ARHGAP25: variants seen among roughly 807,000 people sequenced by gnomAD.
The protein encoded by ARHGAP25 is rho GTPase-activating protein 25.
ARHGAP25 carries 34 observed loss-of-function variants against 71.0 expected under a neutral mutation model. That is an observed-to-expected ratio of 0.48 (90% CI 0.36 to 0.64). ARHGAP25 has a LOEUF of 0.64. ARHGAP25 is among the 30% of genes least tolerant of loss of function. The pLI is 0.00. For missense variants in ARHGAP25, 706 were observed against 805.1 expected (o/e 0.88, Z 1.49); for synonymous variants, 282 against 296.5 (o/e 0.95, Z 0.50).
At chr2:68,820,965 T>A (rs1681606898) in intron 9 of ARHGAP25, among the ~76,000 whole-genome samples, 1 of 152,202 alleles carries the variant, frequency 6.6e-6, no homozygotes. Context: ...GGAGACTTTT[T>A]CATGTCAATA....
intron 4 of ARHGAP25, among the ~76,000 whole-genome samples, chr2:68,804,172 A>G (rs1340650069): frequency 1.3e-5 from 2 of 152,210 alleles, no homozygotes; most frequent in African/African-American, 2.4e-5. Flanking sequence ...AAGGTGCAAG[A>G]AGGAGCTTGG....
At position 68,826,093 on chromosome 2, in the gene ARHGAP25, A is replaced by G. The variant is rs1682110244; in HGVS notation, c.1840A>G (p.Met614Val). 6 of 1,614,134 alleles carry G rather than the reference A, an allele frequency of 3.7e-6. No homozygotes were observed. The highest frequency in any genetic ancestry group is 5.1e-6 in the Non-Finnish European group (6 of 1,179,998). The change falls in exon 11 of 11, where the codon ATG (methionine) becomes GTG (valine). Residue 614 changes from methionine to valine, a missense_variant. Met to Val is a conservative substitution (Grantham distance 21, BLOSUM62 1). Transcript: ENST00000409202. ...AGCCCTAGAGATCAGCCTCCGCAAC[A>G]TGGAGCGCTCCCGGGAGGATGTTGA... ...SAALEISLRN[M>V]ERSREDVEKR... is the part of the protein sequence containing the mutation.
chr2:68,755,610 A>C (rs1467448858), intron 1 of ARHGAP25, among the ~76,000 whole-genome samples: 4 of 149,800 alleles, frequency 2.7e-5, no homozygotes, highest in Non-Finnish European at 4.4e-5. Context: ...GCATTTTGAA[A>C]CCTCTTCCCA....
At chr2:68,730,089 CT>C (rs71396002), upstream of ARHGAP25, among the ~76,000 whole-genome samples, 3 of 151,848 alleles carry the variant, frequency 2.0e-5, no homozygotes, top group East Asian at 1.9e-4. Flanking sequence ...TTTTTCATGA[CT>C]TTTTTTTGTT....
At chr2:68,810,814 T>C (rs1350848462) in intron 5 of ARHGAP25, among the ~76,000 whole-genome samples, 3 of 150,646 alleles carry the variant, frequency 2.0e-5, no homozygotes, top group Non-Finnish European at 4.4e-5. Context: ...TGATCTTGGC[T>C]CACTGCAACC....
In ARHGAP25 at chr2:68,775,259, G is replaced by A. The variant is rs551816260; in HGVS notation, c.100G>A (p.Ala34Thr). Residue 34 changes from alanine (A) to threonine (T), a missense_variant, in exon 2 of 11, where the codon GCC (alanine) becomes ACC (threonine). Coordinates refer to ENST00000409202, the MANE Select transcript of ARHGAP25 (RefSeq NM_001007231.3). Reference protein sequence around the residue: ...RSVMTGEQMAAFHPSSTPNPL... With the variant: ...RSVMTGEQMATFHPSSTPNPL... ...TGTGATGACTGGCGAGCAGATGGCT[G>A]CCTTCCATCCATCGTCCACCCCCAA... The A allele has an allele frequency of 7.4e-6, 12 of 1,614,272 alleles. No individual in the cohort carries two copies. In the East Asian group the frequency reaches 2.7e-4, roughly 36 times the overall value.
chr2:68,775,048 C>A, intron 1 of ARHGAP25, 173 bp from the exon 2 acceptor site: 3 of 1,520,352 alleles, frequency 2.0e-6, no homozygotes, highest in Non-Finnish European at 2.6e-6. Context: ...CCCTCGGCTG[C>A]TTCTCTGGCT....
chr2:68,775,899 C>G (rs1441824930), intron 2 of ARHGAP25: 3 of 320,744 alleles, frequency 9.4e-6, no homozygotes, highest in African/African-American at 6.6e-5. Flanking sequence ...GACACATAAA[C>G]ATAACAAATA....
chr2:68,729,989 G>A (rs1674977416), upstream of ARHGAP25, among the ~76,000 whole-genome samples: 1 of 152,100 alleles, frequency 6.6e-6, no homozygotes, highest in African/African-American at 2.4e-5. Flanking sequence ...AATGACACAG[G>A]GATTTGTTAA....
intron 1 of ARHGAP25, 135 bp downstream of exon 1, chr2:68,735,395 A>G (rs1675162002): frequency 2.1e-6 from 2 of 932,426 alleles, no homozygotes; most frequent in South Asian, 1.5e-5. Context: ...GACCATTTGC[A>G]TTTAAGTTGG....
At chr2:68,798,049 G>C (rs544005029) in intron 4 of ARHGAP25, among the ~76,000 whole-genome samples, 1 of 152,220 alleles carries the variant, frequency 6.6e-6, no homozygotes, top group East Asian at 1.9e-4. Context: ...ACACTTGCTT[G>C]GTTTCTCTAA....
chr2:68,785,239 G>A (rs1175119807), intron 3 of ARHGAP25, among the ~76,000 whole-genome samples: 13 of 152,196 alleles, frequency 8.5e-5, no homozygotes, highest in Admixed American at 8.5e-4. Flanking sequence ...GAGCAGAGGT[G>A]TGACATGACA....
intron 5 of ARHGAP25, among the ~76,000 whole-genome samples, 169 bp from the exon 6 acceptor site, chr2:68,813,118 G>A (rs755531089): frequency 3.3e-4 from 50 of 152,282 alleles, no homozygotes; most frequent in Non-Finnish European, 6.0e-4. Flanking sequence ...CCAGAAGGGC[G>A]AATTAACAAA....
chr2:68,756,337 C>T (rs1221393808), intron 1 of ARHGAP25, among the ~76,000 whole-genome samples: 1 of 152,224 alleles, frequency 6.6e-6, no homozygotes, highest in African/African-American at 2.4e-5. Context: ...TGCCTCTGAA[C>T]ACAAAGGTAC....
In ARHGAP25 at chr2:68,760,038, A is replaced by G. The variant is rs544515230; in HGVS notation, c.62-15183A>G. Among the ~76,000 whole-genome samples, 5 of 152,220 alleles carry G rather than the reference A, an allele frequency of 3.3e-5. No homozygotes were observed. In the East Asian group the frequency reaches 9.6e-4, roughly 29 times the overall value. On this transcript the variant is annotated intron_variant, in intron 1 of 10. Coordinates refer to ENST00000409202, the MANE Select transcript of ARHGAP25 (RefSeq NM_001007231.3). ...AAATGCAAGGGTGATTCAACGTAGA[A>G]GAATCAGTCAATTTCATTAATACAT...
At chr2:68,727,520 C>G (rs2104264649) in intron 2 of ARHGAP25, among the ~76,000 whole-genome samples, 1 of 152,274 alleles carries the variant, frequency 6.6e-6, no homozygotes, top group East Asian at 1.9e-4. Context: ...GGGCATCACC[C>G]TACTTCACAA....
chr2:68,794,966 C>T (rs1212038630), intron 4 of ARHGAP25, among the ~76,000 whole-genome samples: 1 of 152,002 alleles, frequency 6.6e-6, no homozygotes, highest in African/African-American at 2.4e-5. Flanking sequence ...CTGTTGGTCT[C>T]TTCAGACTTT....
chr2:68,793,324 C>T (rs868215656), intron 4 of ARHGAP25, among the ~76,000 whole-genome samples: 1 of 151,988 alleles, frequency 6.6e-6, no homozygotes, highest in Non-Finnish European at 1.5e-5. Flanking sequence ...GCTTTTGAGG[C>T]CTTAGTCATG....
chr2:68,714,201 G>T (rs1190825157), intron 2 of ARHGAP25, among the ~76,000 whole-genome samples: 1 of 152,038 alleles, frequency 6.6e-6, no homozygotes, highest in East Asian at 1.9e-4. Flanking sequence ...CTTCTTCCTG[G>T]TTTAGTCTTG....
Sources: allele counts gnomAD v4.1 joint callset (sites outside exome capture counted in the v4.1 genomes callset), GRCh38; gene constraint gnomAD v4.1.1; transcripts MANE v1.5; gene names NCBI Gene and HGNC (gene_info 2026-07-23, HGNC 2026-07-21).